Variants in CARD10 observed in about 807,000 individuals in gnomAD.
The protein encoded by CARD10 is caspase recruitment domain-containing protein 10.
In CARD10, 49 loss-of-function variants were observed where a neutral mutation model predicts 114.6. The ratio of observed to expected loss-of-function variants is 0.43; its 90% CI spans 0.34 to 0.54. CARD10 has a LOEUF of 0.54. CARD10 is among the 20% of genes least tolerant of loss of function. The pLI is 0.03. For missense variants in CARD10, 1,206 were observed against 1,397.2 expected, an observed-to-expected ratio of 0.86 and a Z score of 2.18; for synonymous variants, 602 against 593.2, an observed-to-expected ratio of 1.01 and a Z score of -0.21.
In CARD10 at chr22:37,519,136, G is replaced by A; in HGVS notation, c.65C>T (p.Ala22Val). 6.4e-7 allele frequency: 1 copy of A among 1,559,104 alleles called. No homozygotes were observed. Among genetic ancestry groups the A allele is most frequent in the Admixed American group, 1.8e-5 (1 of 54,664 alleles). The change falls in exon 1 of 20, where the codon GCG (alanine) becomes GTG (valine). Residue 22 changes from alanine (A) to valine (V), a missense_variant. Around this residue, in one of 2 missense-constraint regions of CARD10, gnomAD observed 138 missense variants for 218.0 expected, o/e 0.63. Coordinates refer to ENST00000251973, the MANE Select transcript of CARD10 (RefSeq NM_014550.4). This position sits in a 1 kb window ranked among gnomAD's most constrained non-coding sequence, Gnocchi z 4.1. ...EEAGAGSGSE[A>V]EEDALWERIE... ...TCGCTCCCACAGCGCGTCCTCCTCCGCCTCAGACCCCGAGCCGGCCCCGGC... is the reference window on the plus strand; with the variant it reads ...TCGCTCCCACAGCGCGTCCTCCTCCACCTCAGACCCCGAGCCGGCCCCGGC...
In CARD10 at chr22:37,491,802, G is replaced by A; in HGVS notation, c.2817C>T (p.Pro939=). Reference sequence around the variant, plus strand: ...CAGTCACCTCCACGTGGATGACGATGGGGTAGATCTCGTTCTGCACCAGCT... The same window carrying A: ...CAGTCACCTCCACGTGGATGACGATAGGGTAGATCTCGTTCTGCACCAGCT... The part of the protein sequence containing the change: ...VRELVQNEIY[P]IVIHVEVTEK... The change falls in exon 19 of 20, where the codon CCC becomes CCT. Residue 939 remains proline (P), a synonymous_variant. Coordinates refer to ENST00000251973, the MANE Select transcript of CARD10 (RefSeq NM_014550.4). The A allele has an allele frequency of 6.5e-7, 1 of 1,526,838 alleles. No homozygotes were observed. The highest frequency in any genetic ancestry group is 8.9e-7 in the Non-Finnish European group (1 of 1,125,682). The allele number at this position is 1,526,838 out of a possible 1,614,324, so 94.6% of individuals were successfully genotyped here.
chr22:37,491,456 G>A (rs1922772617), intron 19 of CARD10, 63 bp from the exon 20 acceptor site: 2 of 1,220,766 alleles, frequency 1.6e-6, no homozygotes, highest in South Asian at 3.1e-5. Context: ...GAGACAGGGA[G>A]AGAGGGACAG....
At chr22:37,513,499 A>G (rs1431028919) in intron 3 of CARD10, among the ~76,000 whole-genome samples, 1 of 151,870 alleles carries the variant, frequency 6.6e-6, no homozygotes, top group African/African-American at 2.4e-5. Context: ...ACCTCCGACC[A>G]TCTCTTTTCC....
chr22:37,508,013 C>G, intron 5 of CARD10, 59 bp from the exon 6 acceptor site: 1 of 1,603,562 alleles, frequency 6.2e-7, no homozygotes, highest in Non-Finnish European at 8.5e-7. Flanking sequence ...GAAAGCTAAC[C>G]AGCAGGTGCC....
At chr22:37,494,970 T>G (rs543305500) in intron 15 of CARD10, among the ~76,000 whole-genome samples, 51 of 129,564 alleles carry the variant, frequency 3.9e-4, no homozygotes, top group African/African-American at 1.9e-3. Context: ...GTTTTTTTTG[T>G]TTTTTTTTTT....
intron 8 of CARD10, 124 bp from the exon 9 acceptor site, chr22:37,504,425 G>A: frequency 9.4e-7 from 1 of 1,067,064 alleles, no homozygotes; most frequent in Non-Finnish European, 1.3e-6. Flanking sequence ...AGCGGGCTCT[G>A]CAAGATTATA....
At position 37,497,101 on chromosome 22, in the gene CARD10, G is replaced by C. The variant is rs201810012; in HGVS notation, c.1865C>G (p.Ser622Trp). 1,300 of 1,614,204 alleles carry C rather than the reference G, an allele frequency of 8.1e-4. 24 individuals are homozygous for C. In the South Asian group the frequency reaches 0.013, roughly 16 times the overall value. Residue 622 changes from serine (S) to tryptophan (W), a missense_variant, in exon 12 of 20, where the codon TCG becomes TGG. Ser to Trp is a radical substitution (Grantham distance 177). Around this residue, in one of 2 missense-constraint regions of CARD10, gnomAD observed 1,068 missense variants for 1,179.1 expected, o/e 0.91. Coordinates refer to ENST00000251973, the MANE Select transcript of CARD10 (RefSeq NM_014550.4). ...EPQDKGPDGLSFYGDRWSGAV... is the reference protein window; with the variant it reads ...EPQDKGPDGLWFYGDRWSGAV... ...CCCAGACCATCTGTCCCCATAAAAC[G>C]ACAGTCCATCTGGTCCCTTGTCCTG...
At chr22:37,495,112 G>A (rs1364074208) in intron 15 of CARD10, among the ~76,000 whole-genome samples, 3 of 152,098 alleles carry the variant, frequency 2.0e-5, no homozygotes, top group Non-Finnish European at 4.4e-5. Flanking sequence ...ACAGGCACCC[G>A]CCACCACGCC....
Position 37,519,245 on chromosome 22 carries a change from A to G in CARD10, c.-45T>C. 6.8e-7 allele frequency: 1 copy of G among 1,463,802 alleles called. No homozygotes were observed. Among genetic ancestry groups the G allele is most frequent in the Non-Finnish European group, 9.0e-7 (1 of 1,109,714 alleles). The allele number at this position is 1,463,802 out of a possible 1,614,324, so 90.7% of individuals were successfully genotyped here. A position where few individuals can be genotyped will look rare whatever the true frequency, so the allele number is the denominator to read the frequency against. On this transcript the variant is annotated 5_prime_UTR_variant, in exon 1 of 20. Coordinates refer to ENST00000251973, the MANE Select transcript of CARD10 (RefSeq NM_014550.4). The surrounding 1 kb of genome is among the most constrained non-coding windows in gnomAD (Gnocchi z 4.1). ...GCGGGCAAGAGGCGCACGGGGGTCGACCAGGGCTCCCTAGGGCTAGATGTG... is the reference window on the plus strand; with the variant it reads ...GCGGGCAAGAGGCGCACGGGGGTCGGCCAGGGCTCCCTAGGGCTAGATGTG...
At position 37,519,405 on chromosome 22, in the gene CARD10, A is replaced by AG. The variant is rs1278587353; in HGVS notation, c.-206dup. 1.7e-6 allele frequency: 2 copies of AG among 1,185,706 alleles called. No homozygotes were observed. The highest frequency in any genetic ancestry group is 4.3e-5 in the South Asian group (1 of 23,174). 73.4% of individuals were successfully genotyped at this position (1,185,706 alleles called of 1,614,324 possible). ...ACTCGGGCGGCGGCTCCGCCGGCGC[A>AG]GGGGGGCGGTGCCCGTGGCGCCCCC... On this transcript the variant is annotated 5_prime_UTR_variant, in exon 1 of 20. Coordinates refer to ENST00000251973, the MANE Select transcript of CARD10 (RefSeq NM_014550.4). The surrounding 1 kb of genome is among the most constrained non-coding windows in gnomAD (Gnocchi z 4.1).
At chr22:37,514,308 T>C (rs1009925842) in intron 3 of CARD10, among the ~76,000 whole-genome samples, 4 of 151,970 alleles carry the variant, frequency 2.6e-5, no homozygotes, top group Non-Finnish European at 5.9e-5. Context: ...TTTATAATTG[T>C]TACATCATCC....
rs74449986 is a variant in CARD10 at position 37,500,065 on chromosome 22, G to A, written c.1787+2537C>T. On this transcript the variant is annotated intron_variant, in intron 11 of 19. Transcript: ENST00000251973. The stretch of plus-strand genomic sequence containing the variant: ...CTCAATGAATGTCCCCCAGGGCCCC[G>A]TGGGAAGATATCTGAGTAGTCTGCG... Among the ~76,000 whole-genome samples, 1,141 of 152,314 alleles carry A rather than the reference G, an allele frequency of 7.5e-3. 9 individuals carry two copies. Among genetic ancestry groups the A allele is most frequent in the African/African-American group, 0.025 (1,054 of 41,552 alleles).
intron 15 of CARD10, among the ~76,000 whole-genome samples, chr22:37,495,160 G>A (rs999288294): frequency 6.6e-6 from 1 of 152,100 alleles, no homozygotes; most frequent in African/African-American, 2.4e-5. Context: ...TAGAGACGGG[G>A]TTTCACCGTG....
chr22:37,506,416 G>A (rs958243360), intron 6 of CARD10, 33 bp from the exon 7 acceptor site: 1 of 1,505,266 alleles, frequency 6.6e-7, no homozygotes, highest in African/African-American at 1.4e-5. Flanking sequence ...AGCAGCTGAA[G>A]GAGCCACCTT....
At chr22:37,495,485 C>T (rs1922964942) in intron 15 of CARD10, 32 bp downstream of exon 15, 5 of 1,581,300 alleles carry the variant, frequency 3.2e-6, no homozygotes, top group African/African-American at 1.3e-5. Context: ...CCCTTGGGGC[C>T]CCCCACCCAC....
chr22:37,514,275 G>A (rs541970746), intron 3 of CARD10, among the ~76,000 whole-genome samples: 51 of 152,156 alleles, frequency 3.4e-4, no homozygotes, highest in African/African-American at 1.2e-3. Context: ...ACTGAGGATG[G>A]TATCTATAAA....
chr22:37,504,321 C>T lies in CARD10; in HGVS notation c.1519-20G>A. 1.4e-6 allele frequency: 2 copies of T among 1,467,276 alleles called. No homozygotes were observed. The highest frequency in any genetic ancestry group is 1.8e-6 in the Non-Finnish European group (2 of 1,088,162). The allele number at this position is 1,467,276 out of a possible 1,614,324, so 90.9% of individuals were successfully genotyped here. ...TTCCTCCTGCAATGCCATGACAGGG[C>T]CTGGGTCACCCCCACTGCCCAGCAC... is the stretch of plus-strand genomic sequence containing the variant. On this transcript the variant is annotated intron_variant, in intron 8 of 19. Transcript: ENST00000251973.
intron 3 of CARD10, among the ~76,000 whole-genome samples, chr22:37,514,103 C>CAAAA (rs5845349): frequency 8.3e-5 from 11 of 133,242 alleles, no homozygotes; most frequent in East Asian, 2.3e-4. Context: ...GACTCCATCT[C>CAAAA]AAAAAAAAAA....
At position 37,496,478 on chromosome 22, in the gene CARD10, G is replaced by C. The variant is rs1318803486; in HGVS notation, c.2030C>G (p.Ser677Cys). 1.2e-6 allele frequency: 2 copies of C among 1,613,418 alleles called. No homozygotes were observed. The highest frequency in any genetic ancestry group is 1.7e-6 in the Non-Finnish European group (2 of 1,179,658). The change falls in exon 13 of 20, where the codon TCC becomes TGC. Residue 677 changes from serine to cysteine, a missense_variant. By Grantham distance (112) the Ser-to-Cys change is moderately radical. Coordinates refer to ENST00000251973, the MANE Select transcript of CARD10 (RefSeq NM_014550.4). This position sits in a 1 kb window ranked among gnomAD's most constrained non-coding sequence, Gnocchi z 4.1. The stretch of plus-strand genomic sequence containing the variant: ...CGAGTCCATCAGGGAGGGGAGTGTG[G>C]ACCCCTGATTCCAGAGCAAGGTTCT... ...QQRTLLWNQG[S>C]TLPSLMDSKA...
Sources: gnomAD v4.1 joint callset for allele counts (sites outside exome capture counted in the v4.1 genomes callset) on GRCh38, gnomAD v4.1.1 for gene constraint, gnomAD v4.1.1 regional missense constraint, Gnocchi (gnomAD v3.1) non-coding constraint, MANE v1.5 for transcripts, NCBI Gene and HGNC (gene_info 2026-07-23, HGNC 2026-07-21) for gene names.